IARS2: variants seen among roughly 807,000 people sequenced by gnomAD.
The protein encoded by IARS2 is isoleucine--tRNA ligase, mitochondrial.
Under a neutral mutation model 126.3 loss-of-function variants are expected in IARS2, and 56 were observed. The observed-to-expected ratio is 0.44, with a 90% CI of 0.36 to 0.55. The LOEUF is 0.55. Among genes scored for constraint, IARS2 ranks in the 20% least tolerant of loss-of-function variants. The pLI, the probability that IARS2 is intolerant of heterozygous loss-of-function variation, is 0.00. For missense variants in IARS2, 1,127 were observed against 1,245.9 expected, an observed-to-expected ratio of 0.90 and a Z score of 1.44; for synonymous variants, 407 against 441.1, an observed-to-expected ratio of 0.92 and a Z score of 0.97.
chr1:220,124,348 C>T (rs1428102466), intron 12 of IARS2, among the ~76,000 whole-genome samples: 2 of 152,112 alleles, frequency 1.3e-5, no homozygotes, highest in African/African-American at 2.4e-5. Context: ...GATTGGCTTT[C>T]TGTCATGTGT....
At position 220,107,142 on chromosome 1, in the gene IARS2, A is replaced by G. The variant is rs759848543; in HGVS notation, c.1318A>G (p.Thr440Ala). ...LQNKAVLEEG[T>A]DVVIKMLQTA... ...AAACAAGGCTGTCCTTGAAGAGGGA[A>G]CTGATGTGGGTGAGCATCATATCTG... is the stretch of plus-strand genomic sequence containing the variant. Residue 440 changes from threonine to alanine, a missense_variant, in exon 10 of 23, where the codon ACT (threonine) becomes GCT (alanine). Physicochemically the swap from Thr to Ala is moderately conservative, Grantham distance 58. Transcript: ENST00000366922. 10 of 1,609,972 alleles carry G rather than the reference A, an allele frequency of 6.2e-6. No homozygotes were observed. In the Admixed American group the frequency reaches 1.5e-4, roughly 24 times the overall value.
intron 12 of IARS2, among the ~76,000 whole-genome samples, chr1:220,120,444 G>C (rs535276852): frequency 6.6e-6 from 1 of 150,720 alleles, no homozygotes; most frequent in South Asian, 2.1e-4. Flanking sequence ...GTGCAATCTC[G>C]GCTCACTGCA....
chr1:220,096,471 G>C (rs1416461524), intron 2 of IARS2, among the ~76,000 whole-genome samples: 1 of 152,132 alleles, frequency 6.6e-6, no homozygotes, highest in East Asian at 1.9e-4. Context: ...GCGAGGCATT[G>C]TTCTAGAATC....
At chr1:220,096,559 A>C (rs2102815526) in intron 2 of IARS2, among the ~76,000 whole-genome samples, 1 of 152,366 alleles carries the variant, frequency 6.6e-6, no homozygotes, top group East Asian at 1.9e-4. Context: ...TGCTTGGCCC[A>C]CAGATATCAA....
In IARS2 at chr1:220,105,871, G is replaced by T. The variant is rs1446971197; in HGVS notation, c.1067-20G>T. 1 of 1,607,012 alleles carries T rather than the reference G, an allele frequency of 6.2e-7. No individual in the cohort carries two copies. Among genetic ancestry groups the T allele is most frequent in the African/African-American group, 1.3e-5 (1 of 74,774 alleles). The stretch of plus-strand genomic sequence containing the variant: ...TTGCCATATAAAATGATTCTTAATA[G>T]TGGTTTTCTTTCCCCACAGGTGTAG... On this transcript the variant is annotated intron_variant, in intron 8 of 22. Transcript: ENST00000366922.
At position 220,145,529 on chromosome 1, in the gene IARS2, T is replaced by G. The variant is rs1571866660; in HGVS notation, c.2772T>G (p.Thr924=). 1 of 1,613,214 alleles carries G rather than the reference T, an allele frequency of 6.2e-7. No homozygotes were observed. The highest frequency in any genetic ancestry group is 1.7e-5 in the Admixed American group (1 of 59,974). The change falls in exon 22 of 23, where the codon ACT becomes ACG. Residue 924 remains threonine, a synonymous_variant. Coordinates refer to ENST00000366922, the MANE Select transcript of IARS2 (RefSeq NM_018060.4). ...EIIEMLQSEE[T]SSTSQLNELM... is the part of the protein sequence containing the mutation. Reference sequence around the variant, plus strand: ...TCCAGATGCTGCAGTCTGAAGAGACTTCCAGCACCTCTCAGTTGAATGAAT... The same window carrying G: ...TCCAGATGCTGCAGTCTGAAGAGACGTCCAGCACCTCTCAGTTGAATGAAT...
chr1:220,114,642 G>A (rs1479077439), intron 12 of IARS2, among the ~76,000 whole-genome samples, 168 bp downstream of exon 12: 5 of 152,174 alleles, frequency 3.3e-5, no homozygotes, highest in Admixed American at 6.5e-5. Flanking sequence ...CTATCATACA[G>A]TTAAAATATT....
In IARS2 at chr1:220,102,187, A is replaced by G. The variant is rs761439693; in HGVS notation, c.609A>G (p.Gly203=). The G allele has an allele frequency of 1.9e-5, 30 of 1,612,280 alleles. No individual in the cohort carries two copies. The highest frequency in any genetic ancestry group is 1.8e-5 in the Non-Finnish European group (21 of 1,179,494). Residue 203 remains glycine, a synonymous_variant, in exon 4 of 23, where the codon GGA becomes GGG. Transcript: ENST00000366922. ...EKQKSAFIRW[G]IMADWNNCYY... is the part of the protein sequence containing the mutation. ...AGAAATCAGCATTTATTCGTTGGGG[A>G]ATAATGGCAGATTGGAATAATTGCT...
At chr1:220,120,858 CATAAT>C (rs1331437708) in intron 12 of IARS2, among the ~76,000 whole-genome samples, 4 of 152,108 alleles carry the variant, frequency 2.6e-5, no homozygotes, top group African/African-American at 4.8e-5. Context: ...TCTAGAATCT[CATAAT>C]AGAACCGAAT....
chr1:220,138,163 T>C (rs1460784784), intron 17 of IARS2, 120 bp downstream of exon 17: 1 of 1,141,124 alleles, frequency 8.8e-7, no homozygotes, highest in African/African-American at 1.5e-5. Context: ...TCTTCATTTA[T>C]TGTGAGATTT....
intron 2 of IARS2, among the ~76,000 whole-genome samples, chr1:220,099,154 G>A (rs1441205016): frequency 6.6e-6 from 1 of 150,578 alleles, no homozygotes; most frequent in East Asian, 2.0e-4. Flanking sequence ...AGAGGTTGCA[G>A]TGAGCCGAGA....
intron 8 of IARS2, among the ~76,000 whole-genome samples, 192 bp from the exon 9 acceptor site, chr1:220,105,699 G>A (rs973485174): frequency 6.6e-6 from 1 of 151,362 alleles, no homozygotes; most frequent in Non-Finnish European, 1.5e-5. Flanking sequence ...ACCCTCTGAG[G>A]TGGGAACCAT....
chr1:220,140,435 C>T (rs1266878248), intron 19 of IARS2, 146 bp downstream of exon 19: 13 of 579,234 alleles, frequency 2.2e-5, no homozygotes, highest in Non-Finnish European at 3.1e-5. Flanking sequence ...AAAAATTAGC[C>T]GGGCATGGTG....
At chr1:220,098,793 G>C (rs1340591043) in intron 2 of IARS2, among the ~76,000 whole-genome samples, 4 of 152,078 alleles carry the variant, frequency 2.6e-5, no homozygotes, top group Non-Finnish European at 5.9e-5. Flanking sequence ...CTTTTCACTA[G>C]AGGCTTCATA....
chr1:220,130,913 T>G (rs1315943878), intron 14 of IARS2, among the ~76,000 whole-genome samples: 7 of 152,204 alleles, frequency 4.6e-5, no homozygotes, highest in Admixed American at 2.6e-4. Context: ...GGTAGATTTA[T>G]TTCTGGGTTC....
At chr1:220,140,074 A>G (rs1407373789) in intron 18 of IARS2, 109 bp from the exon 19 acceptor site, 3 of 692,574 alleles carry the variant, frequency 4.3e-6, no homozygotes, top group Non-Finnish European at 7.8e-6. Context: ...CCTGTTTTGT[A>G]TTTGTCTCAT....
At chr1:220,130,495 G>A (rs1410772732) in intron 14 of IARS2, among the ~76,000 whole-genome samples, 4 of 152,232 alleles carry the variant, frequency 2.6e-5, no homozygotes, top group Middle Eastern at 3.4e-3. Context: ...ATAGTTGGGG[G>A]CCTTAGATTT....
At position 220,106,043 on chromosome 1, in the gene IARS2, C is replaced by G. The variant is rs755467186; in HGVS notation, c.1219C>G (p.Gln407Glu). ...HGMEDYGVAS[Q>E]HNLPMDCLVD... is the part of the protein sequence containing the mutation. ...TATGGAAGACTACGGTGTAGCGTCTCAGCACAACCTGCCCATGGTACTGTT... is the reference window on the plus strand; with the variant it reads ...TATGGAAGACTACGGTGTAGCGTCTGAGCACAACCTGCCCATGGTACTGTT... Residue 407 changes from glutamine (Q) to glutamate (E), a missense_variant, in exon 9 of 23, where the codon CAG becomes GAG. Transcript: ENST00000366922. 1 of 1,613,504 alleles carries G rather than the reference C, an allele frequency of 6.2e-7. No individual in the cohort carries two copies. Among genetic ancestry groups the G allele is most frequent in the South Asian group, 1.1e-5 (1 of 91,004 alleles).
intron 11 of IARS2, among the ~76,000 whole-genome samples, chr1:220,112,004 A>C (rs1656812797): frequency 6.6e-6 from 1 of 151,916 alleles, no homozygotes; most frequent in South Asian, 2.1e-4. Flanking sequence ...AAAGTTAAAA[A>C]TTGTTCTTTG....
Sources: allele counts gnomAD v4.1 joint callset (sites outside exome capture counted in the v4.1 genomes callset), GRCh38; gene constraint gnomAD v4.1.1; transcripts MANE v1.5; gene names NCBI Gene and HGNC (gene_info 2026-07-23, HGNC 2026-07-21).